The following NSD2 variants were observed in gnomAD, a reference collection of about 807,000 sequenced individuals.
NSD2 encodes histone-lysine N-methyltransferase NSD2.
NSD2 carries 12 observed loss-of-function variants against 139.0 expected under a neutral mutation model. That is an observed-to-expected ratio of 0.09 (90% CI 0.06 to 0.14). The LOEUF is 0.14. NSD2 is among the 10% of genes least tolerant of loss of function. NSD2 has a pLI of 1.00. For missense variants in NSD2, 1,155 were observed against 1,745.0 expected, an observed-to-expected ratio of 0.66 and a Z score of 6.02; for synonymous variants, 669 against 648.7, an observed-to-expected ratio of 1.03 and a Z score of -0.48.
chr4:1,940,657 A>G, intron 9 of NSD2: 2 of 1,061,610 alleles, frequency 1.9e-6, no homozygotes, highest in South Asian at 9.1e-5. Context: ...TTATGAGGAG[A>G]TGATAACTGG....
Position 1,955,091 on chromosome 4 carries a change from A to T in NSD2, c.2339-70A>T, listed in dbSNP as rs552319492. On this transcript the variant is annotated intron_variant, in intron 12 of 21. Transcript: ENST00000508803. The surrounding 1 kb of genome is among the most constrained non-coding windows in gnomAD (Gnocchi z 4.7). ...TCAAATTCATGGAGGCTGAGTAATT[A>T]TTAGTTGCTCTTTTCACTATGACTG... The T allele has an allele frequency of 2.1e-6, 3 of 1,440,550 alleles. No homozygotes were observed. The highest frequency in any genetic ancestry group is 2.8e-5 in the African/African-American group (2 of 71,234). The allele number at this position is 1,440,550 out of a possible 1,614,324, so 89.2% of individuals were successfully genotyped here.
intron 11 of NSD2, chr4:1,952,981 C>G: frequency 7.0e-7 from 1 of 1,436,306 alleles, no homozygotes; most frequent in Non-Finnish European, 9.1e-7. Flanking sequence ...ACTGCTCCAC[C>G]ACTGGCCAGC....
intron 9 of NSD2, among the ~76,000 whole-genome samples, chr4:1,949,743 G>A (rs138456329): frequency 3.0e-4 from 44 of 146,598 alleles, no homozygotes; most frequent in African/African-American, 9.9e-4. Flanking sequence ...CAGCCTGGGC[G>A]ACAGAGCAAG....
At chr4:1,887,980 A>G (rs1196343108) in intron 1 of NSD2, among the ~76,000 whole-genome samples, 3 of 150,994 alleles carry the variant, frequency 2.0e-5, no homozygotes, top group South Asian at 2.1e-4. Context: ...ACTCCTCCCT[A>G]TTCTGCTGCA....
chr4:1,935,244 C>G lies in NSD2; in HGVS notation c.1656C>G (p.Asp552Glu). 1 of 1,612,934 alleles carries G rather than the reference C, an allele frequency of 6.2e-7. No homozygotes were observed. ...EDTPRKRLRT[D>E]KHSLRKRDTI... is the part of the protein sequence containing the mutation. Reference sequence around the variant, plus strand: ...CACCCAGGAAAAGACTCAGGACGGACAAGCACAGTCTTCGGAAGGTAATTG... The same window carrying G: ...CACCCAGGAAAAGACTCAGGACGGAGAAGCACAGTCTTCGGAAGGTAATTG... Residue 552 changes from aspartate to glutamate, a missense_variant, in exon 7 of 22, where the codon GAC becomes GAG. Physicochemically the swap from Asp to Glu is conservative, Grantham distance 45. Coordinates refer to ENST00000508803, the MANE Select transcript of NSD2 (RefSeq NM_001042424.3).
At chr4:1,978,585 T>A (rs1727382150) in intron 21 of NSD2, 53 bp from the exon 22 acceptor site, 3 of 1,553,616 alleles carry the variant, frequency 1.9e-6, no homozygotes, top group Admixed American at 3.6e-5. Context: ...ACGATAATGT[T>A]GAAGTCGTGA....
At chr4:1,946,807 A>G in intron 9 of NSD2, 1 of 1,054,978 alleles carries the variant, frequency 9.5e-7, no homozygotes, top group Non-Finnish European at 1.1e-6. Flanking sequence ...CCTTTGGGAC[A>G]TTCTTACAGC....
intron 5 of NSD2, among the ~76,000 whole-genome samples, chr4:1,926,187 G>A (rs555416803): frequency 5.4e-4 from 73 of 134,530 alleles, no homozygotes; most frequent in African/African-American, 1.8e-3. Context: ...ACGTAGTCTC[G>A]CACTGTTGCC....
In NSD2 at chr4:1,979,529, T is replaced by A. The variant is rs1132849; in HGVS notation, c.*620T>A. On this transcript the variant is annotated 3_prime_UTR_variant, in exon 22 of 22. Transcript: ENST00000508803. ...CCTGCAGGTGGTGGCAGCAATGGTG[T>A]TGTAAGATTTCCTCCCGTAGTTTTT... is the stretch of plus-strand genomic sequence containing the variant. 2,531 of 233,096 alleles carry A rather than the reference T, an allele frequency of 0.011. 57 individuals are homozygous for A. The highest frequency in any genetic ancestry group is 0.038 in the African/African-American group (1,735 of 45,448). The allele number at this position is 233,096 out of a possible 1,614,324, so 14.4% of individuals were successfully genotyped here.
chr4:1,898,649 G>T (rs1716725531), intron 1 of NSD2, among the ~76,000 whole-genome samples: 1 of 144,128 alleles, frequency 6.9e-6, no homozygotes, highest in Admixed American at 6.9e-5. Flanking sequence ...GACAGAGCGA[G>T]ACTCCGTCTA....
chr4:1,935,336 A>T, intron 7 of NSD2, 74 bp downstream of exon 7: 2 of 1,152,968 alleles, frequency 1.7e-6, no homozygotes, highest in Non-Finnish European at 2.6e-6. Flanking sequence ...GTTTCCCTGC[A>T]TGGGAGCACA....
intron 5 of NSD2, among the ~76,000 whole-genome samples, chr4:1,923,172 G>T (rs1720385170): frequency 6.6e-6 from 1 of 151,876 alleles, no homozygotes; most frequent in Non-Finnish European, 1.5e-5. Flanking sequence ...AGGCTATAAA[G>T]GCTATAAAAC....
At chr4:1,941,950 T>C (rs1037326493) in intron 9 of NSD2, 2 of 1,078,792 alleles carry the variant, frequency 1.9e-6, no homozygotes, top group African/African-American at 3.3e-5. Context: ...CCGATTCTGA[T>C]ATGAGTTAGG....
In NSD2 at chr4:1,973,233, G is replaced by T. The variant is rs186019761; in HGVS notation, c.3373-1630G>T. Among the ~76,000 whole-genome samples the T allele has an allele frequency of 1.4e-3, 207 of 152,332 alleles. No individual in the cohort carries two copies. The highest frequency in any genetic ancestry group is 4.8e-3 in the African/African-American group (199 of 41,578). ...GATAAATAAAACAGGGTCAAGACAT[G>T]GCGGGCAACCCACAGATGAAAACTG... On this transcript the variant is annotated intron_variant, in intron 18 of 21. Coordinates refer to ENST00000508803, the MANE Select transcript of NSD2 (RefSeq NM_001042424.3). The surrounding 1 kb of genome is among the most constrained non-coding windows in gnomAD (Gnocchi z 5.5).
At chr4:1,919,783 A>T (rs954716747) in intron 5 of NSD2, among the ~76,000 whole-genome samples, 1 of 152,102 alleles carries the variant, frequency 6.6e-6, no homozygotes, top group East Asian at 1.9e-4. Flanking sequence ...AATACAAAAA[A>T]AAATTAGCTG....
chr4:1,901,360 G>A, intron 2 of NSD2, 109 bp downstream of exon 2: 1 of 1,005,924 alleles, frequency 9.9e-7, no homozygotes, highest in Non-Finnish European at 1.4e-6. Context: ...GGTGAGGACA[G>A]GCCTGGTACT....
At chr4:1,878,344 G>A (rs539048220) in intron 1 of NSD2, among the ~76,000 whole-genome samples, 1 of 139,878 alleles carries the variant, frequency 7.1e-6, no homozygotes, top group East Asian at 2.2e-4. Context: ...CTGACCTCAA[G>A]TGATCTGCCT....
intron 1 of NSD2, among the ~76,000 whole-genome samples, chr4:1,894,604 C>G (rs1336087237): frequency 6.7e-6 from 1 of 150,360 alleles, no homozygotes; most frequent in African/African-American, 2.5e-5. Context: ...CCCAGGAGTT[C>G]TAGGATGCAG....
In NSD2 at chr4:1,958,033, C is replaced by T; in HGVS notation, c.2982C>T (p.Ile994=). The T allele has an allele frequency of 6.2e-7, 1 of 1,613,690 alleles. No homozygotes were observed. The highest frequency in any genetic ancestry group is 8.5e-7 in the Non-Finnish European group (1 of 1,179,838). ...SERKPPPYKH[I]KVNKPYGKVQ... is the part of the protein sequence containing the mutation. ...GCAAGCCCCCACCATACAAGCACATCAAGGTGGCGTGTGGGAGCTGCGTGC... is the reference window on the plus strand; with the variant it reads ...GCAAGCCCCCACCATACAAGCACATTAAGGTGGCGTGTGGGAGCTGCGTGC... Residue 994 remains isoleucine, a synonymous_variant, in exon 16 of 22, where the codon ATC becomes ATT. Coordinates refer to ENST00000508803, the MANE Select transcript of NSD2 (RefSeq NM_001042424.3). The surrounding 1 kb of genome is among the most constrained non-coding windows in gnomAD (Gnocchi z 4.6).
Sources: gnomAD v4.1 joint callset for allele counts (sites outside exome capture counted in the v4.1 genomes callset) on GRCh38, gnomAD v4.1.1 for gene constraint, Gnocchi (gnomAD v3.1) non-coding constraint, MANE v1.5 for transcripts, NCBI Gene and HGNC (gene_info 2026-07-23, HGNC 2026-07-21) for gene names.